The following KIF26A variants were observed in gnomAD, a reference collection of about 807,000 sequenced individuals.
KIF26A encodes kinesin family member 26A, also known as kinesin-like protein KIF26A.
In KIF26A, 74 loss-of-function variants were observed where a neutral mutation model predicts 126.0. The observed-to-expected ratio is 0.59, with a 90% CI of 0.49 to 0.71. The LOEUF (loss-of-function observed/expected upper bound fraction) is 0.71. KIF26A is among the 30% of genes least tolerant of loss of function. KIF26A has a pLI of 0.00. For synonymous variants in KIF26A, 1,445 were observed against 1,232.7 expected, an observed-to-expected ratio of 1.17 and a Z score of -3.61; for missense variants, 2,984 against 2,763.3, an observed-to-expected ratio of 1.08 and a Z score of -1.79.
rs572146255 is a variant in KIF26A at position 104,170,496 on chromosome 14, T to C, written c.1114-1227T>C. On this transcript the variant is annotated intron_variant, in intron 5 of 14. Transcript: ENST00000423312. ...TGGTAAACCAATTTTGCCGGCGTTA[T>C]GTATCTGTCACTTACAATTAAATCC... 2.6e-4 allele frequency among the ~76,000 whole-genome samples: 39 copies of C among 152,360 alleles called. 3 individuals carry two copies. The South Asian group carries it at 7.3e-3, about 28-fold the overall frequency.
chr14:104,164,678 G>A (rs575446791), intron 4 of KIF26A, among the ~76,000 whole-genome samples: 10 of 151,610 alleles, frequency 6.6e-5, no homozygotes, highest in Admixed American at 3.3e-4. Context: ...GCCTGTCTGC[G>A]TGTGTATGTG....
At chr14:104,156,864 G>A (rs984902480) in intron 3 of KIF26A, among the ~76,000 whole-genome samples, 12 of 152,184 alleles carry the variant, frequency 7.9e-5, no homozygotes, top group South Asian at 4.1e-4. Flanking sequence ...AGGACGCCTC[G>A]GGCAGTGGTT....
chr14:104,146,967 C>T (rs915685667), intron 2 of KIF26A, among the ~76,000 whole-genome samples: 1 of 152,090 alleles, frequency 6.6e-6, no homozygotes, highest in African/African-American at 2.4e-5. Flanking sequence ...TCCTGTGGCC[C>T]CTCACATGCA....
intron 2 of KIF26A, among the ~76,000 whole-genome samples, chr14:104,145,922 C>G (rs1372384457): frequency 6.6e-6 from 1 of 152,232 alleles, no homozygotes; most frequent in African/African-American, 2.4e-5. Flanking sequence ...CGACCTGGCT[C>G]CAAGCTTTAT....
intron 3 of KIF26A, among the ~76,000 whole-genome samples, chr14:104,155,174 T>C (rs940229821): frequency 2.1e-4 from 32 of 152,264 alleles, no homozygotes; most frequent in South Asian, 2.1e-4. Context: ...TCCTCCTCCC[T>C]TTCTCCCCCA....
chr14:104,159,417 C>A (rs1050175583), intron 4 of KIF26A, among the ~76,000 whole-genome samples: 2 of 152,220 alleles, frequency 1.3e-5, no homozygotes, highest in Admixed American at 6.5e-5. Context: ...GCTCAGAGCT[C>A]CCCCGGTCCC....
Position 104,176,059 on chromosome 14 carries a change from C to T in KIF26A, c.3271C>T (p.Pro1091Ser). ...GTTTGACGCCTACACCTCTCAGGCC[C>T]CTGAGGGGGGGCCCCTGGAGGGGGC... ...DEFDAYTSQA[P>S]EGGPLEGAAW... is the part of the protein sequence containing the mutation. The change falls in exon 12 of 15, where the codon CCT becomes TCT. Residue 1091 changes from proline (P) to serine (S), a missense_variant. By Grantham distance (74) the Pro-to-Ser change is moderately conservative. Transcript: ENST00000423312. The T allele has an allele frequency of 1.3e-6, 2 of 1,596,668 alleles. No homozygotes were observed. The highest frequency in any genetic ancestry group is 1.7e-6 in the Non-Finnish European group (2 of 1,174,912).
Position 104,176,459 on chromosome 14 carries a change from G to C in KIF26A, c.3671G>C (p.Gly1224Ala). The change falls in exon 12 of 15, where the codon GGC becomes GCC. Residue 1224 changes from glycine to alanine, a missense_variant. Gly to Ala is a moderately conservative substitution (Grantham distance 60, BLOSUM62 0). Transcript: ENST00000423312. ...ACTGCCTCTGCCACCACCCGTGTGGGCTGTGCTCGCCTGGGCCAGAGCCCA... is the reference window on the plus strand; with the variant it reads ...ACTGCCTCTGCCACCACCCGTGTGGCCTGTGCTCGCCTGGGCCAGAGCCCA... ...PRTASATTRV[G>A]CARLGQSPPG... is the part of the protein sequence containing the mutation. 1 of 1,606,726 alleles carries C rather than the reference G, an allele frequency of 6.2e-7. No individual in the cohort carries two copies. The highest frequency in any genetic ancestry group is 1.3e-5 in the African/African-American group (1 of 75,006).
chr14:104,165,575 ATGTG>A (rs1016835068), intron 4 of KIF26A, among the ~76,000 whole-genome samples: 8 of 129,410 alleles, frequency 6.2e-5, no homozygotes, highest in African/African-American at 2.2e-4. Flanking sequence ...TTCTGTATGC[ATGTG>A]TGTGTCTGTG....
chr14:104,172,828 C>A, intron 7 of KIF26A, 149 bp from the exon 8 acceptor site: 1 of 1,196,862 alleles, frequency 8.4e-7, no homozygotes, highest in Non-Finnish European at 1.1e-6. Context: ...GAAGCTGAAC[C>A]CCTGCCGAAC....
In KIF26A at chr14:104,178,721, G is replaced by A. The variant is rs766968153; in HGVS notation, c.5282G>A (p.Arg1761Gln). 3.5e-5 allele frequency: 55 copies of A among 1,554,748 alleles called. No individual in the cohort carries two copies. The highest frequency in any genetic ancestry group is 1.8e-4 in the Middle Eastern group (1 of 5,614). The change falls in exon 13 of 15, where the codon CGG becomes CAG. Residue 1761 changes from arginine to glutamine, a missense_variant. Physicochemically the swap from Arg to Gln is conservative, Grantham distance 43. Coordinates refer to ENST00000423312, the MANE Select transcript of KIF26A (RefSeq NM_015656.2). The stretch of plus-strand genomic sequence containing the variant: ...ATCGATGACGTGGAGCGCCTTCAGC[G>A]GCCCCGCCCCACCCCGAGGGAGGCC... ...YEIDDVERLQ[R>Q]PRPTPREAPT...
rs1780988397 is a variant in KIF26A at position 104,177,160 on chromosome 14, C to T, written c.4372C>T (p.Pro1458Ser). 1 of 1,597,462 alleles carries T rather than the reference C, an allele frequency of 6.3e-7. No individual in the cohort carries two copies. Among genetic ancestry groups the T allele is most frequent in the Non-Finnish European group, 8.5e-7 (1 of 1,179,102 alleles). ...SSKGREAPGRPPRAVPKLGVP... is the reference protein window; with the variant it reads ...SSKGREAPGRSPRAVPKLGVP... ...CAAGGGCCGGGAAGCCCCTGGGCGGCCTCCCCGGGCTGTACCCAAGCTGGG... is the reference window on the plus strand; with the variant it reads ...CAAGGGCCGGGAAGCCCCTGGGCGGTCTCCCCGGGCTGTACCCAAGCTGGG... The change falls in exon 12 of 15, where the codon CCT (proline) becomes TCT (serine). Residue 1458 changes from proline (P) to serine (S), a missense_variant. Physicochemically the swap from Pro to Ser is moderately conservative, Grantham distance 74 (BLOSUM62 -1). Coordinates refer to ENST00000423312, the MANE Select transcript of KIF26A (RefSeq NM_015656.2).
rs2037606497 is a variant in KIF26A at position 104,138,627 on chromosome 14, C to T, written c.-96C>T. The T allele has an allele frequency of 2.0e-6, 2 of 997,622 alleles. No individual in the cohort carries two copies. The highest frequency in any genetic ancestry group is 2.6e-6 in the Non-Finnish European group (2 of 783,974). 61.8% of individuals were successfully genotyped at this position (997,622 alleles called of 1,614,324 possible). A position where few individuals can be genotyped will look rare whatever the true frequency, so the allele number is the denominator to read the frequency against. On this transcript the variant is annotated 5_prime_UTR_variant, in exon 1 of 15. Coordinates refer to ENST00000423312, the MANE Select transcript of KIF26A (RefSeq NM_015656.2). ...GAACTTCCGAGCGGCTGGGCCGGGCCATGGGGGCGCCTCGGGGCCGGATCA... is the reference window on the plus strand; with the variant it reads ...GAACTTCCGAGCGGCTGGGCCGGGCTATGGGGGCGCCTCGGGGCCGGATCA...
intron 5 of KIF26A, 134 bp downstream of exon 5, chr14:104,167,182 T>A: frequency 1.0e-6 from 1 of 979,268 alleles, no homozygotes; most frequent in East Asian, 2.9e-5. Flanking sequence ...TGGGGTGCCA[T>A]GGGGAGACTG....
intron 2 of KIF26A, among the ~76,000 whole-genome samples, chr14:104,149,818 G>A (rs1159865021): frequency 6.6e-6 from 1 of 152,188 alleles, no homozygotes; most frequent in Non-Finnish European, 1.5e-5. Context: ...GACGGGCAGA[G>A]GCTGCCTGGC....
At chr14:104,178,087 C>G (rs994015563) in intron 12 of KIF26A, among the ~76,000 whole-genome samples, 189 bp downstream of exon 12, 13 of 152,350 alleles carry the variant, frequency 8.5e-5, no homozygotes, top group Non-Finnish European at 1.5e-4. Flanking sequence ...GGTGCACGGC[C>G]CTCTGCAGTT....
At chr14:104,140,595 G>C (rs1033737613) in intron 2 of KIF26A, among the ~76,000 whole-genome samples, 3 of 152,160 alleles carry the variant, frequency 2.0e-5, no homozygotes, top group African/African-American at 4.8e-5. Context: ...GCATGGACTC[G>C]TGGAGGGGAG....
chr14:104,178,186 C>T (rs778796673), intron 12 of KIF26A, among the ~76,000 whole-genome samples: 2 of 152,236 alleles, frequency 1.3e-5, no homozygotes, highest in Non-Finnish European at 2.9e-5. Flanking sequence ...CAAGGGCAGC[C>T]CTGCACAGGT....
intron 2 of KIF26A, among the ~76,000 whole-genome samples, chr14:104,150,773 C>T (rs558370890): frequency 6.6e-6 from 1 of 152,354 alleles, no homozygotes; most frequent in African/African-American, 2.4e-5. Flanking sequence ...CAGGGACTGC[C>T]TGGGGCCAGG....
Sources: gnomAD v4.1 joint callset for allele counts (sites outside exome capture counted in the v4.1 genomes callset) on GRCh38, gnomAD v4.1.1 for gene constraint, MANE v1.5 for transcripts, NCBI Gene and HGNC (gene_info 2026-07-23, HGNC 2026-07-21) for gene names.